PAN3: variants seen among roughly 807,000 people sequenced by gnomAD.
PAN3 encodes the protein poly(A) specific ribonuclease subunit PAN3.
A neutral mutation model predicts 96.2 loss-of-function variants in PAN3; 19 were observed. The ratio of observed to expected loss-of-function variants is 0.20; its 90% CI spans 0.14 to 0.29. The LOEUF (loss-of-function observed/expected upper bound fraction) is 0.29. Ranked by LOEUF, PAN3 falls within the 10% of genes least tolerant of loss-of-function variation. The pLI is 1.00. For missense variants in PAN3, 882 were observed against 1,108.1 expected, an observed-to-expected ratio of 0.80 and a Z score of 2.90; for synonymous variants, 433 against 406.6, an observed-to-expected ratio of 1.06 and a Z score of -0.78.
intron 12 of PAN3, 76 bp from the exon 13 acceptor site, chr13:28,270,625 C>T: frequency 6.9e-7 from 1 of 1,459,444 alleles, no homozygotes; most frequent in Non-Finnish European, 9.4e-7. Flanking sequence ...ATTGTCTTTG[C>T]TAATTTTGAT....
intron 1 of PAN3, among the ~76,000 whole-genome samples, chr13:28,150,772 A>T (rs1297735376): frequency 6.6e-6 from 1 of 152,216 alleles, no homozygotes; most frequent in African/African-American, 2.4e-5. Context: ...GTTAATAAAC[A>T]TTTATTGAGT....
intron 6 of PAN3, among the ~76,000 whole-genome samples, chr13:28,249,573 C>T (rs1026732530): frequency 5.3e-5 from 8 of 151,972 alleles, no homozygotes; most frequent in African/African-American, 9.7e-5. Flanking sequence ...CTCAGCCTCC[C>T]GAGTAGCTGG....
chr13:28,234,626 T>C (rs1882912285), intron 6 of PAN3, among the ~76,000 whole-genome samples: 1 of 152,218 alleles, frequency 6.6e-6, no homozygotes, highest in East Asian at 1.9e-4. Flanking sequence ...CAATTCATTT[T>C]AGAATTTATT....
intron 14 of PAN3, among the ~76,000 whole-genome samples, chr13:28,275,952 T>C (rs1304078599): frequency 6.6e-6 from 1 of 152,094 alleles, no homozygotes; most frequent in Non-Finnish European, 1.5e-5. Flanking sequence ...TTAAATGTTA[T>C]TTTAGTAATG....
At chr13:28,263,537 C>T (rs1444168269) in intron 9 of PAN3, among the ~76,000 whole-genome samples, 2 of 152,118 alleles carry the variant, frequency 1.3e-5, no homozygotes, top group Admixed American at 1.3e-4. Context: ...CACCATGTTG[C>T]TGAGGCTGGT....
At chr13:28,181,597 A>G (rs1326287205) in intron 4 of PAN3, among the ~76,000 whole-genome samples, 1 of 151,792 alleles carries the variant, frequency 6.6e-6, no homozygotes, top group Non-Finnish European at 1.5e-5. Context: ...GTTGTTAACT[A>G]TGTGAGAAAC....
intron 12 of PAN3, among the ~76,000 whole-genome samples, chr13:28,269,155 T>C (rs1012895580): frequency 9.9e-5 from 15 of 152,190 alleles, no homozygotes; most frequent in African/African-American, 3.4e-4. Flanking sequence ...GCCTACTGAA[T>C]GCCAGTAGCA....
At chr13:28,173,630 C>T (rs1346829373) in intron 1 of PAN3, among the ~76,000 whole-genome samples, 2 of 152,290 alleles carry the variant, frequency 1.3e-5, no homozygotes, top group East Asian at 1.9e-4. Flanking sequence ...AGCCTACTTG[C>T]GGCCCATCTT....
At position 28,138,968 on chromosome 13, in the gene PAN3, C is replaced by A; in HGVS notation, c.311C>A (p.Ala104Glu). Residue 104 changes from alanine to glutamate, a missense_variant, in exon 1 of 19, where the codon GCG (alanine) becomes GAG (glutamate). Physicochemically the swap from Ala to Glu is moderately radical, Grantham distance 107. Around this residue, in one of 3 missense-constraint regions of PAN3, gnomAD observed 442 missense variants for 422.8 expected, o/e 1.05. Coordinates refer to ENST00000380958, the MANE Select transcript of PAN3 (RefSeq NM_175854.8). ...PVAGFPPGAV[A>E]GGGAGPPPGP... Reference sequence around the variant, plus strand: ...GCCGGCTTTCCGCCGGGAGCCGTCGCGGGCGGGGGAGCTGGGCCGCCCCCC... The same window carrying A: ...GCCGGCTTTCCGCCGGGAGCCGTCGAGGGCGGGGGAGCTGGGCCGCCCCCC... 1 of 1,283,408 alleles carries A rather than the reference C, an allele frequency of 7.8e-7. No homozygotes were observed. The highest frequency in any genetic ancestry group is 9.8e-7 in the Non-Finnish European group (1 of 1,015,668). The allele number at this position is 1,283,408 out of a possible 1,614,324, so 79.5% of individuals were successfully genotyped here. A position where few individuals can be genotyped will look rare whatever the true frequency, so the allele number is the denominator to read the frequency against.
At chr13:28,217,777 T>C (rs1224948188) in intron 5 of PAN3, among the ~76,000 whole-genome samples, 3 of 152,104 alleles carry the variant, frequency 2.0e-5, no homozygotes, top group Non-Finnish European at 4.4e-5. Context: ...AATTTAATAT[T>C]ATAGAGAAAT....
chr13:28,228,318 C>A (rs868218591), intron 6 of PAN3, among the ~76,000 whole-genome samples: 5 of 152,052 alleles, frequency 3.3e-5, no homozygotes, highest in Admixed American at 6.6e-5. Context: ...GATGTAGTTA[C>A]TCTAGAGTAG....
intron 1 of PAN3, among the ~76,000 whole-genome samples, chr13:28,155,321 C>G (rs574735707): frequency 1.3e-5 from 2 of 152,140 alleles, no homozygotes; most frequent in African/African-American, 4.8e-5. Context: ...TCAGGCCGGA[C>G]ACAGTGGCCT....
chr13:28,219,579 A>T (rs1881167755), intron 5 of PAN3, among the ~76,000 whole-genome samples: 2 of 152,220 alleles, frequency 1.3e-5, no homozygotes, highest in Admixed American at 6.5e-5. Context: ...TGAATATATA[A>T]AGAGTTGTAG....
intron 1 of PAN3, among the ~76,000 whole-genome samples, chr13:28,150,744 G>A (rs1204313606): frequency 6.6e-6 from 1 of 151,944 alleles, no homozygotes; most frequent in Non-Finnish European, 1.5e-5. Context: ...AATAAATGGA[G>A]ATTAATTCAT....
chr13:28,292,262 G>A, intron 18 of PAN3, 120 bp from the exon 19 acceptor site: 1 of 1,003,104 alleles, frequency 1.0e-6, no homozygotes, highest in Non-Finnish European at 1.4e-6. Context: ...TGTACTCATG[G>A]ATATCTGAAA....
chr13:28,237,251 A>C (rs560076704), intron 6 of PAN3, among the ~76,000 whole-genome samples: 1 of 152,138 alleles, frequency 6.6e-6, no homozygotes, highest in African/African-American at 2.4e-5. Flanking sequence ...TCTTTTTAAC[A>C]GTTTTATTTG....
chr13:28,257,759 AT>A (rs1449100973), intron 7 of PAN3, among the ~76,000 whole-genome samples: 9 of 112,394 alleles, frequency 8.0e-5, no homozygotes, highest in African/African-American at 1.9e-4. Flanking sequence ...TATATAATTA[AT>A]TATATATTAT....
In PAN3 at chr13:28,143,063, A is replaced by T. The variant is rs1870074603; in HGVS notation, c.430+3976A>T. Among the ~76,000 whole-genome samples, 3 of 152,078 alleles carry T rather than the reference A, an allele frequency of 2.0e-5. No individual in the cohort carries two copies. In the South Asian group the frequency reaches 6.2e-4, roughly 31 times the overall value. ...TTTCTTAATACACTTAGTTGCAATG[A>T]TGTTTCAACCTTATAAGGAAACTGC... On this transcript the variant is annotated intron_variant, in intron 1 of 18. Coordinates refer to ENST00000380958, the MANE Select transcript of PAN3 (RefSeq NM_175854.8).
intron 1 of PAN3, among the ~76,000 whole-genome samples, chr13:28,147,530 C>A (rs1425728387): frequency 6.6e-6 from 1 of 152,172 alleles, no homozygotes; most frequent in Non-Finnish European, 1.5e-5. Context: ...AGAATGCTTA[C>A]ATTAGCTACA....
Sources: allele counts gnomAD v4.1 joint callset (sites outside exome capture counted in the v4.1 genomes callset), GRCh38; gene constraint gnomAD v4.1.1; regional missense constraint gnomAD v4.1.1; transcripts MANE v1.5; gene names NCBI Gene and HGNC (gene_info 2026-07-23, HGNC 2026-07-21).